Variants in SLC2A9 observed in about 807,000 individuals in gnomAD.
SLC2A9 encodes the protein solute carrier family 2, facilitated glucose transporter member 9.
In SLC2A9, 39 loss-of-function variants were observed where a neutral mutation model predicts 50.6. The observed-to-expected ratio is 0.77, with a 90% confidence interval of 0.60 to 1.01. The LOEUF (loss-of-function observed/expected upper bound fraction) is 1.01. Among genes scored for constraint, SLC2A9 ranks in the 50% least tolerant of loss-of-function variants. The probability of loss-of-function intolerance (pLI) is 0.00; values close to 1 mark genes in which losing one functional copy is unlikely to be tolerated. For synonymous variants in SLC2A9, 324 were observed against 276.9 expected, an observed-to-expected ratio of 1.17 and a Z score of -1.69; for missense variants, 686 against 677.6, an observed-to-expected ratio of 1.01 and a Z score of -0.14.
At chr4:9,797,659 C>T (rs1720747793), downstream of SLC2A9, among the ~76,000 whole-genome samples, 4 of 152,170 alleles carry the variant, frequency 2.6e-5, no homozygotes, top group South Asian at 8.3e-4. Context: ...TTCTATATTG[C>T]CCTGTGATGC....
intron 5 of SLC2A9, among the ~76,000 whole-genome samples, chr4:9,971,503 T>G (rs1753903676): frequency 1.3e-5 from 2 of 152,178 alleles, no homozygotes; most frequent in Admixed American, 1.3e-4. Flanking sequence ...AGAACCACTC[T>G]CTCCAAACCC....
chr4:9,898,822 G>A (rs993786589), intron 8 of SLC2A9, among the ~76,000 whole-genome samples: 1 of 152,180 alleles, frequency 6.6e-6, no homozygotes, highest in Non-Finnish European at 1.5e-5. Flanking sequence ...CTCCCTGCAG[G>A]GATCCCAGCC....
At chr4:9,994,469 TG>T (rs1354963079) in intron 3 of SLC2A9, among the ~76,000 whole-genome samples, 2 of 152,168 alleles carry the variant, frequency 1.3e-5, no homozygotes, top group African/African-American at 4.8e-5. Flanking sequence ...TCCTTTGATC[TG>T]ATCTTTTTCT....
intron 3 of SLC2A9, among the ~76,000 whole-genome samples, chr4:9,819,116 CAAAAAAAAAAAA>C (rs60751108): frequency 5.2e-5 from 3 of 57,374 alleles, no homozygotes; most frequent in South Asian, 1.2e-3. Context: ...GAGACTGTCT[CAAAAAAAAAAAA>C]AAAAAAAAAA....
chr4:9,830,269 A>T (rs192857220), intron 11 of SLC2A9, among the ~76,000 whole-genome samples: 8 of 152,352 alleles, frequency 5.3e-5, no homozygotes, highest in Admixed American at 4.6e-4. Flanking sequence ...AGGAACAGAA[A>T]ACCAAACACT....
intron 10 of SLC2A9, 31 bp downstream of exon 10, chr4:9,887,536 G>A (rs2109740687): frequency 1.9e-6 from 3 of 1,543,890 alleles, no homozygotes; most frequent in South Asian, 2.4e-5. Flanking sequence ...GAGTCCCTGG[G>A]CGGGGCAGTG....
At chr4:9,790,235 G>A (rs1034041401) in intron 3 of SLC2A9, among the ~76,000 whole-genome samples, 1 of 152,190 alleles carries the variant, frequency 6.6e-6, no homozygotes, top group Non-Finnish European at 1.5e-5. Context: ...CTCTCCAGGT[G>A]AAGTATTTTG....
intron 2 of SLC2A9, among the ~76,000 whole-genome samples, chr4:9,997,545 C>T (rs942736301): frequency 1.3e-5 from 2 of 152,038 alleles, no homozygotes; most frequent in Non-Finnish European, 2.9e-5. Context: ...ACTAAAAATA[C>T]AAAAATTTGC....
chr4:9,780,575 T>C (rs1195378724), intron 3 of SLC2A9, among the ~76,000 whole-genome samples: 5 of 152,164 alleles, frequency 3.3e-5, no homozygotes, highest in African/African-American at 7.2e-5. Context: ...AAGTCCAGTC[T>C]GTTTCTAGAC....
At chr4:9,845,180 A>T (rs1019930529) in intron 10 of SLC2A9, among the ~76,000 whole-genome samples, 4 of 151,486 alleles carry the variant, frequency 2.6e-5, no homozygotes, top group African/African-American at 7.3e-5. Context: ...CACATGGATA[A>T]TTTTTTGTAT....
At chr4:9,874,381 C>G (rs900637429) in intron 10 of SLC2A9, among the ~76,000 whole-genome samples, 1 of 152,230 alleles carries the variant, frequency 6.6e-6, no homozygotes, top group Non-Finnish European at 1.5e-5. Context: ...CTGATGGCAG[C>G]AGCCCTGCAG....
chr4:9,839,820 T>C (rs766530735), intron 10 of SLC2A9, among the ~76,000 whole-genome samples: 24 of 151,900 alleles, frequency 1.6e-4, no homozygotes, highest in African/African-American at 4.6e-4. Flanking sequence ...ACACTGGGGC[T>C]TACTGGAGGG....
In SLC2A9 at chr4:9,997,255, GGA is replaced by G. The variant is rs1488032854; in HGVS notation, c.250-316_250-315del. Among the ~76,000 whole-genome samples, 4 of 152,092 alleles carry G rather than the reference GGA, an allele frequency of 2.6e-5. No homozygotes were observed. The East Asian group carries it at 7.7e-4, about 29-fold the overall frequency. On this transcript the variant is annotated intron_variant, in intron 2 of 11. Transcript: ENST00000264784. ...TCTTTTTACCTCATTTTGGAGATAGGGAAACTGAGGCTCAGGGAGACAAAGTG... is the reference window on the plus strand; with the variant it reads ...TCTTTTTACCTCATTTTGGAGATAGGAACTGAGGCTCAGGGAGACAAAGTG...
intron 3 of SLC2A9, chr4:9,782,274 C>T: frequency 3.1e-6 from 5 of 1,613,990 alleles, no homozygotes; most frequent in Non-Finnish European, 4.2e-6. Context: ...TTCATCGTGT[C>T]TCTGGCCGTG....
chr4:10,004,838 G>T (rs1760480698), intron 2 of SLC2A9, among the ~76,000 whole-genome samples: 1 of 152,182 alleles, frequency 6.6e-6, no homozygotes, highest in Admixed American at 6.5e-5. Flanking sequence ...CCTTTTATGT[G>T]TTGGGAGAAC....
intron 3 of SLC2A9, among the ~76,000 whole-genome samples, chr4:9,780,421 G>C (rs556891904): frequency 6.6e-5 from 10 of 152,178 alleles, no homozygotes; most frequent in African/African-American, 2.2e-4. Context: ...CCTCTCCAGC[G>C]GCAAAAAGCA....
chr4:9,939,170 T>C (rs1431478872), intron 6 of SLC2A9, among the ~76,000 whole-genome samples: 3 of 152,148 alleles, frequency 2.0e-5, no homozygotes, highest in African/African-American at 7.2e-5. Flanking sequence ...GCTGGCCAGC[T>C]GGGGATGAGG....
chr4:9,952,785 A>T (rs531789243), intron 5 of SLC2A9, among the ~76,000 whole-genome samples: 1 of 152,344 alleles, frequency 6.6e-6, no homozygotes, highest in African/African-American at 2.4e-5. Context: ...ACAGCTTCCC[A>T]GAATGCTGGG....
chr4:9,974,277 T>C (rs1187226525), intron 5 of SLC2A9, among the ~76,000 whole-genome samples: 1 of 152,180 alleles, frequency 6.6e-6, no homozygotes, highest in Non-Finnish European at 1.5e-5. Context: ...AATAAAGTTC[T>C]AGCCAGAGCA....
Sources: gnomAD v4.1 joint callset for allele counts (sites outside exome capture counted in the v4.1 genomes callset) on GRCh38, gnomAD v4.1.1 for gene constraint, MANE v1.5 for transcripts, NCBI Gene and HGNC (gene_info 2026-07-23, HGNC 2026-07-21) for gene names.